TRPV2: variants seen among roughly 807,000 people sequenced by gnomAD.
The protein encoded by TRPV2 is transient receptor potential cation channel subfamily V member 2.
TRPV2 carries 58 observed loss-of-function variants against 91.0 expected under a neutral mutation model. That is an observed-to-expected ratio of 0.64 (90% CI 0.52 to 0.79). TRPV2 has a LOEUF of 0.79. Ranked by LOEUF, TRPV2 falls within the 30% of genes least tolerant of loss-of-function variation. TRPV2 has a pLI of 0.00. For synonymous variants in TRPV2, 417 were observed against 414.8 expected (o/e 1.01, Z -0.06); for missense variants, 807 against 969.6 (o/e 0.83, Z 2.23).
chr17:16,428,874 G>A lies in TRPV2; in HGVS notation c.1479G>A (p.Glu493=). Reference sequence around the variant, plus strand: ...AGGTGCTGTGTTTCCTGGCCATCGAGTGGTACCTGCCCCTGCTTGTGTCTG... The same window carrying A: ...AGGTGCTGTGTTTCCTGGCCATCGAATGGTACCTGCCCCTGCTTGTGTCTG... The part of the protein sequence containing the change: ...VSQVLCFLAI[E]WYLPLLVSAL... The change falls in exon 10 of 15, where the codon GAG becomes GAA. Residue 493 remains glutamate (E), a synonymous_variant. Transcript: ENST00000338560. 2 of 1,614,108 alleles carry A rather than the reference G, an allele frequency of 1.2e-6. No individual in the cohort carries two copies. The highest frequency in any genetic ancestry group is 1.7e-6 in the Non-Finnish European group (2 of 1,180,030).
In TRPV2 at chr17:16,426,056, C is replaced by T; in HGVS notation, c.925-43C>T. ...CCCAGCCTTGGCCCAGGATCAGTGC[C>T]AGGAAGGGACCATGAATGCAAGCTC... On this transcript the variant is annotated intron_variant, in intron 5 of 14. Transcript: ENST00000338560. This position sits in a 1 kb window ranked among gnomAD's most constrained non-coding sequence, Gnocchi z 6.0. 6.2e-7 allele frequency: 1 copy of T among 1,609,194 alleles called. No individual in the cohort carries two copies. The highest frequency in any genetic ancestry group is 8.5e-7 in the Non-Finnish European group (1 of 1,176,642).
Position 16,423,758 on chromosome 17 carries a change from C to T in TRPV2, c.915C>T (p.Gly305=), listed in dbSNP as rs769919734. Residue 305 remains glycine (G), a synonymous_variant, in exon 5 of 15, where the codon GGC becomes GGT. Transcript: ENST00000338560. ...LTPLKLAAKE[G]KIEIFRHILQ... Reference sequence around the variant, plus strand: ...CTCTGAAGCTGGCCGCCAAGGAGGGCAAGATCGAGGTGAGCGGCTGTCCCC... The same window carrying T: ...CTCTGAAGCTGGCCGCCAAGGAGGGTAAGATCGAGGTGAGCGGCTGTCCCC... 2.5e-5 allele frequency: 39 copies of T among 1,577,986 alleles called. No individual in the cohort carries two copies. Among genetic ancestry groups the T allele is most frequent in the Middle Eastern group, 3.4e-4 (2 of 5,930 alleles).
At chr17:16,431,562 G>A (rs1251227738) in intron 10 of TRPV2, among the ~76,000 whole-genome samples, 3 of 151,988 alleles carry the variant, frequency 2.0e-5, no homozygotes, top group Admixed American at 1.3e-4. Flanking sequence ...GCCTCCCAAA[G>A]TGCTAGGATT....
At chr17:16,431,757 C>T (rs2093413549) in intron 10 of TRPV2, 27 bp from the exon 11 acceptor site, 4 of 1,612,556 alleles carry the variant, frequency 2.5e-6, no homozygotes, top group Non-Finnish European at 2.5e-6. Flanking sequence ...AGCTACCCAC[C>T]CTGGCCCCTG....
chr17:16,427,781 C>T (rs1310870990), intron 8 of TRPV2, among the ~76,000 whole-genome samples: 1 of 152,164 alleles, frequency 6.6e-6, no homozygotes, highest in Admixed American at 6.5e-5. Context: ...GATTCCTTGG[C>T]AGTACAGACT....
Position 16,428,707 on chromosome 17 carries a change from G to A in TRPV2, c.1422-110G>A, listed in dbSNP as rs1420479024. The A allele has an allele frequency of 1.5e-5, 19 of 1,258,596 alleles. 1 individual carries two copies. In the South Asian group the frequency reaches 2.2e-4, roughly 14 times the overall value. The allele number at this position is 1,258,596 out of a possible 1,614,324, so 78.0% of individuals were successfully genotyped here. On this transcript the variant is annotated intron_variant, in intron 9 of 14. Transcript: ENST00000338560. The stretch of plus-strand genomic sequence containing the variant: ...GTGGGAGGGAACTGAGGCCCACAGA[G>A]GTTAAATGTCTTGCCTAAGATGGAG...
intron 1 of TRPV2, among the ~76,000 whole-genome samples, chr17:16,417,190 G>T (rs1376812513): frequency 6.6e-6 from 1 of 152,010 alleles, no homozygotes; most frequent in Non-Finnish European, 1.5e-5. Flanking sequence ...CACACAGTGG[G>T]TGGACCTACT....
chr17:16,424,353 G>A (rs953072554), intron 5 of TRPV2, among the ~76,000 whole-genome samples: 2 of 151,976 alleles, frequency 1.3e-5, no homozygotes, highest in African/African-American at 4.8e-5. Context: ...AGTAAAGAGG[G>A]GTTTCACCAT....
chr17:16,434,239 C>CAGGT (rs2093425521), intron 13 of TRPV2, among the ~76,000 whole-genome samples: 1 of 152,062 alleles, frequency 6.6e-6, no homozygotes, highest in African/African-American at 2.4e-5. Flanking sequence ...GAGGCCGAGG[C>CAGGT]GGGCAAATCA....
chr17:16,433,451 T>G, intron 12 of TRPV2, 123 bp from the exon 13 acceptor site: 2 of 1,386,260 alleles, frequency 1.4e-6, no homozygotes, highest in Non-Finnish European at 9.8e-7. Flanking sequence ...ATCCGCGTGT[T>G]TAGTTGACTT....
In TRPV2 at chr17:16,426,598, G is replaced by A. The variant is rs1447797989; in HGVS notation, c.1096-124G>A. ...CGTGAGGTCCTTTGGGGCTCCTGGG[G>A]TGTGGAAGCCTGCTCCCTGTCCTCT... On this transcript the variant is annotated intron_variant, in intron 6 of 14. Coordinates refer to ENST00000338560, the MANE Select transcript of TRPV2 (RefSeq NM_016113.5). This position sits in a 1 kb window ranked among gnomAD's most constrained non-coding sequence, Gnocchi z 6.0. The A allele has an allele frequency of 9.3e-6, 11 of 1,176,616 alleles. No homozygotes were observed. The African/African-American group carries it at 1.2e-4, about 13-fold the overall frequency. The allele number at this position is 1,176,616 out of a possible 1,614,324, so 72.9% of individuals were successfully genotyped here.
chr17:16,422,042 C>T (rs183239932), intron 3 of TRPV2, among the ~76,000 whole-genome samples: 46 of 151,750 alleles, frequency 3.0e-4, no homozygotes, highest in African/African-American at 1.1e-3. Context: ...CAGTGGCTCA[C>T]GCCTGTAATC....
rs61746957 is a variant in TRPV2, at chr17:16,426,191, G to A, written c.1017G>A (p.Ser339=). Residue 339 remains serine (S), a synonymous_variant, in exon 6 of 15, where the codon TCG becomes TCA. Transcript: ENST00000338560. This position sits in a 1 kb window ranked among gnomAD's most constrained non-coding sequence, Gnocchi z 6.0. The stretch of plus-strand genomic sequence containing the variant: ...GGTGCTATGGGCCTGTCCGGGTGTC[G>A]CTGTATGACCTGGCTTCTGTGGACA... ...TEWCYGPVRV[S]LYDLASVDSC... 5.6e-6 allele frequency: 9 copies of A among 1,614,192 alleles called. No homozygotes were observed. In the East Asian group the frequency reaches 6.7e-5, roughly 12 times the overall value.
chr17:16,431,288 C>A (rs56077789), intron 10 of TRPV2, among the ~76,000 whole-genome samples: 2 of 71,440 alleles, frequency 2.8e-5, no homozygotes, highest in Non-Finnish European at 4.3e-5. Context: ...TATATATATA[C>A]ATATTTTTTT....
chr17:16,428,555 C>A (rs565317090), intron 9 of TRPV2, 168 bp downstream of exon 9: 1 of 795,782 alleles, frequency 1.3e-6, no homozygotes, highest in Non-Finnish European at 2.1e-6. Flanking sequence ...CAGCCTGGGG[C>A]CCCTTGTGCT....
At chr17:16,434,011 G>A (rs2093424651) in intron 13 of TRPV2, among the ~76,000 whole-genome samples, 1 of 152,208 alleles carries the variant, frequency 6.6e-6, no homozygotes, top group Non-Finnish European at 1.5e-5. Flanking sequence ...CCCTTGGGTT[G>A]CTAGCACTCT....
chr17:16,432,131 T>C lies in TRPV2; in HGVS notation c.1820T>C (p.Met607Thr). 6.2e-7 allele frequency: 1 copy of C among 1,614,248 alleles called. No individual in the cohort carries two copies. The change falls in exon 12 of 15, where the codon ATG becomes ACG. Residue 607 changes from methionine (M) to threonine (T), a missense_variant. Coordinates refer to ENST00000338560, the MANE Select transcript of TRPV2 (RefSeq NM_016113.5). ...GAGCTCTTCAAATTCACCATCGGCA[T>C]GGGCGAGCTGGCCTTCCAGGAGCAG... is the stretch of plus-strand genomic sequence containing the variant. ...SLELFKFTIG[M>T]GELAFQEQLH... is the part of the protein sequence containing the mutation.
At chr17:16,417,355 C>T (rs2093335839) in intron 1 of TRPV2, among the ~76,000 whole-genome samples, 1 of 151,374 alleles carries the variant, frequency 6.6e-6, no homozygotes, top group South Asian at 2.1e-4. Context: ...ATTCTCCTGC[C>T]TCACCCTCCC....
At chr17:16,421,573 G>A (rs1241167636) in intron 3 of TRPV2, among the ~76,000 whole-genome samples, 4 of 140,262 alleles carry the variant, frequency 2.9e-5, no homozygotes, top group Non-Finnish European at 6.1e-5. Flanking sequence ...CCAGGCTGGA[G>A]TGCAGTGGCG....
Sources: gnomAD v4.1 joint callset for allele counts (sites outside exome capture counted in the v4.1 genomes callset) on GRCh38, gnomAD v4.1.1 for gene constraint, Gnocchi (gnomAD v3.1) non-coding constraint, MANE v1.5 for transcripts, NCBI Gene and HGNC (gene_info 2026-07-23, HGNC 2026-07-21) for gene names.